The following NEDD9 variants were observed in gnomAD, a reference collection of about 807,000 sequenced individuals.
NEDD9 encodes the protein enhancer of filamentation 1.
Under a neutral mutation model 76.6 loss-of-function variants are expected in NEDD9, and 26 were observed. The observed-to-expected ratio is 0.34, with a 90% CI of 0.25 to 0.47. The LOEUF (loss-of-function observed/expected upper bound fraction) is 0.47, where lower values mean the gene tolerates loss of function less well. Among genes scored for constraint, NEDD9 ranks in the 20% least tolerant of loss-of-function variants. The probability of loss-of-function intolerance (pLI) is 1.00; values close to 1 mark genes in which losing one functional copy is unlikely to be tolerated. For missense variants in NEDD9, 937 were observed against 1,058.5 expected, an observed-to-expected ratio of 0.89 and a Z score of 1.59; for synonymous variants, 392 against 414.2, an observed-to-expected ratio of 0.95 and a Z score of 0.65.
chr6:11,243,988 G>A (rs1204869733), intron 3 of NEDD9, among the ~76,000 whole-genome samples: 4 of 152,192 alleles, frequency 2.6e-5, no homozygotes, highest in Non-Finnish European at 5.9e-5. Flanking sequence ...CTGTGAAGGT[G>A]TTTTAAAGAG....
chr6:11,245,918 A>ATTG lies in NEDD9; in HGVS notation c.13-32192_13-32191insCAA, dbSNP rs1759797279. Among the ~76,000 whole-genome samples, 7 of 151,800 alleles carry ATTG rather than the reference A, an allele frequency of 4.6e-5. No homozygotes were observed. In the South Asian group the frequency reaches 1.5e-3, roughly 32 times the overall value. ...ATAAGTCTAGTAAACAATAATATTC[A>ATTG]CTTAGGAGCATTCCACATGGTTTAG... On this transcript the variant is annotated intron_variant, in intron 3 of 3. Coordinates refer to the NEDD9 transcript ENST00000397378.
chr6:11,268,588 C>T (rs1348613583), intron 3 of NEDD9, among the ~76,000 whole-genome samples: 1 of 151,958 alleles, frequency 6.6e-6, no homozygotes, highest in Admixed American at 6.6e-5. Context: ...ATTAGCCTGG[C>T]GTGATGGCAG....
At chr6:11,234,265 G>A (rs936320644), upstream of NEDD9, among the ~76,000 whole-genome samples, 9 of 152,162 alleles carry the variant, frequency 5.9e-5, no homozygotes, top group African/African-American at 1.9e-4. Flanking sequence ...CAGACTGACC[G>A]GAGAGTCGTT....
chr6:11,204,553 C>G (rs946006692), intron 2 of NEDD9, among the ~76,000 whole-genome samples: 4 of 151,786 alleles, frequency 2.6e-5, no homozygotes, highest in Admixed American at 2.6e-4. Flanking sequence ...AACTTTGTCT[C>G]TACTAAAAAT....
At chr6:11,319,906 A>G (rs529975086) in intron 2 of NEDD9, among the ~76,000 whole-genome samples, 12 of 151,788 alleles carry the variant, frequency 7.9e-5, no homozygotes, top group African/African-American at 2.9e-4. Flanking sequence ...TCTGTCTCCA[A>G]CTGTGAATTT....
rs1430595273 is a variant in NEDD9, at chr6:11,252,697, G to C, written c.13-38970C>G. Among the ~76,000 whole-genome samples the C allele has an allele frequency of 1.4e-5, 2 of 147,936 alleles. No individual in the cohort carries two copies. The highest frequency in any genetic ancestry group is 3.0e-5 in the Non-Finnish European group (2 of 67,128). ...AGTTGAAAATGACAAATAGAGGACA[G>C]AAATGAATTCCTAGCCTGCAGTTTC... On this transcript the variant is annotated intron_variant, in intron 3 of 3. Transcript: ENST00000397378. This position sits in a 1 kb window ranked among gnomAD's most constrained non-coding sequence, Gnocchi z 4.3.
At chr6:11,188,740 T>A (rs9468567) in intron 5 of NEDD9, among the ~76,000 whole-genome samples, 3,787 of 152,268 alleles carry the variant, frequency 0.025, 157 homozygotes, top group African/African-American at 0.085. Flanking sequence ...ACCAGTAAGA[T>A]GAATGTTCAA....
At chr6:11,255,066 G>T (rs924799017) in intron 3 of NEDD9, among the ~76,000 whole-genome samples, 13 of 152,226 alleles carry the variant, frequency 8.5e-5, no homozygotes, top group African/African-American at 3.1e-4. Context: ...GAAAAATAGA[G>T]AAAATGCAAC....
At chr6:11,221,182 C>A (rs967938352) in intron 1 of NEDD9, among the ~76,000 whole-genome samples, 1 of 151,854 alleles carries the variant, frequency 6.6e-6, no homozygotes, top group Non-Finnish European at 1.5e-5. Flanking sequence ...CAGGAGTTTG[C>A]GACCAGCCTG....
At chr6:11,232,458 C>T (rs762083471) in intron 1 of NEDD9, 46 bp downstream of exon 1, 5 of 1,612,746 alleles carry the variant, frequency 3.1e-6, no homozygotes, top group Non-Finnish European at 3.4e-6. Context: ...CACCCGCAGG[C>T]ACAGCTTTCA....
chr6:11,206,949 C>G (rs1333366479), intron 2 of NEDD9, among the ~76,000 whole-genome samples: 1 of 152,140 alleles, frequency 6.6e-6, no homozygotes, highest in Non-Finnish European at 1.5e-5. Context: ...TCTGCATAGC[C>G]CCAAAACCCA....
In NEDD9 at chr6:11,190,890, C is replaced by G. The variant is rs1758122300; in HGVS notation, c.979G>C (p.Glu327Gln). The G allele has an allele frequency of 6.2e-7, 1 of 1,614,082 alleles. No individual in the cohort carries two copies. Among genetic ancestry groups the G allele is most frequent in the East Asian group, 2.2e-5 (1 of 44,860 alleles). Residue 327 changes from glutamate to glutamine, a missense_variant, in exon 5 of 7, where the codon GAG becomes CAG. Coordinates refer to ENST00000379446, the MANE Select transcript of NEDD9 (RefSeq NM_006403.4). This position sits in a 1 kb window ranked among gnomAD's most constrained non-coding sequence, Gnocchi z 5.8. ...YDVPRGVQFL[E>Q]PPAETSEKAN... Reference sequence around the variant, plus strand: ...TTCTCACTGGTTTCTGCTGGTGGCTCAAGAAACTGAACGCCTCGGGGGACA... The same window carrying G: ...TTCTCACTGGTTTCTGCTGGTGGCTGAAGAAACTGAACGCCTCGGGGGACA...
At chr6:11,288,367 G>A (rs1192926278) in intron 3 of NEDD9, among the ~76,000 whole-genome samples, 1 of 152,200 alleles carries the variant, frequency 6.6e-6, no homozygotes, top group Non-Finnish European at 1.5e-5. Flanking sequence ...AATTAAATTC[G>A]TCTATACAAC....
chr6:11,275,565 C>CACACACACATATATAT (rs551632582), intron 3 of NEDD9, among the ~76,000 whole-genome samples: 151 of 150,278 alleles, frequency 1.0e-3, no homozygotes, highest in Middle Eastern at 3.4e-3. Context: ...CACACACACA[C>CACACACACATATATAT]ATATATATAT....
chr6:11,267,275 C>T lies in NEDD9; in HGVS notation c.12+38717G>A, dbSNP rs1308994387. 2.0e-5 allele frequency among the ~76,000 whole-genome samples: 3 copies of T among 151,726 alleles called. No homozygotes were observed. The South Asian group carries it at 6.3e-4, about 32-fold the overall frequency. Reference sequence around the variant, plus strand: ...AAACCTGCAAGTGGCTTGTAATGTACCATGACCTTATCATGTGAAGGACAA... The same window carrying T: ...AAACCTGCAAGTGGCTTGTAATGTATCATGACCTTATCATGTGAAGGACAA... On this transcript the variant is annotated intron_variant, in intron 3 of 3. Transcript: ENST00000397378.
chr6:11,368,621 CCTT>C (rs1762808743), intron 1 of NEDD9, among the ~76,000 whole-genome samples: 1 of 152,220 alleles, frequency 6.6e-6, no homozygotes, highest in Non-Finnish European at 1.5e-5. Flanking sequence ...AAAAAACCCT[CCTT>C]CTATTTCATT....
intron 2 of NEDD9, among the ~76,000 whole-genome samples, chr6:11,211,108 C>T (rs1474461006): frequency 6.6e-6 from 1 of 152,204 alleles, no homozygotes; most frequent in African/African-American, 2.4e-5. Flanking sequence ...CTGCAGGACT[C>T]ATCTACCTTT....
chr6:11,302,591 A>G (rs1761078480), intron 3 of NEDD9, among the ~76,000 whole-genome samples: 2 of 152,246 alleles, frequency 1.3e-5, no homozygotes, highest in African/African-American at 2.4e-5. Context: ...CATATCCCTG[A>G]TGAACATTGA....
intron 3 of NEDD9, among the ~76,000 whole-genome samples, chr6:11,283,685 CTCTT>C (rs1760583401): frequency 6.6e-6 from 1 of 152,262 alleles, no homozygotes; most frequent in South Asian, 2.1e-4. Flanking sequence ...GAGTGCTTTT[CTCTT>C]TCTATTACTT....
Sources: gnomAD v4.1 joint callset for allele counts (sites outside exome capture counted in the v4.1 genomes callset) on GRCh38, gnomAD v4.1.1 for gene constraint, Gnocchi (gnomAD v3.1) non-coding constraint, MANE v1.5 for transcripts, NCBI Gene and HGNC (gene_info 2026-07-23, HGNC 2026-07-21) for gene names.